The following MYCBP2 variants were observed in gnomAD, a reference collection of about 807,000 sequenced individuals.
MYCBP2 encodes E3 ubiquitin-protein ligase MYCBP2.
MYCBP2 carries 120 observed loss-of-function variants against 525.3 expected under a neutral mutation model. The ratio of observed to expected loss-of-function variants is 0.23; its 90% confidence interval spans 0.20 to 0.27. The LOEUF (loss-of-function observed/expected upper bound fraction) is 0.27, where lower values mean the gene tolerates loss of function less well. Ranked by LOEUF, MYCBP2 falls within the 10% of genes least tolerant of loss-of-function variation. MYCBP2 has a pLI of 1.00. For missense variants in MYCBP2, 4,149 were observed against 5,657.1 expected (o/e 0.73, Z 8.55); for synonymous variants, 1,894 against 1,955.8 (o/e 0.97, Z 0.83).
At chr13:77,227,322 T>C (rs2154297358) in intron 18 of MYCBP2, among the ~76,000 whole-genome samples, 1 of 140,336 alleles carries the variant, frequency 7.1e-6, no homozygotes, top group East Asian at 2.0e-4. Flanking sequence ...TTTGCCAAAT[T>C]AAATCAAAGA....
At position 77,068,647 on chromosome 13, in the gene MYCBP2, C is replaced by T. The variant is rs550365500; in HGVS notation, c.12089G>A (p.Arg4030Gln). ...GGTTAGCTGTTGAGCCAGATATTGC[C>T]GGCCAACGTTAGAGCCACTCAGTGC... ...VLALSGSNVG[R>Q]QYLAQQLTLL... Residue 4030 changes from arginine (R) to glutamine (Q), a missense_variant, in exon 70 of 83, where the codon CGG (arginine) becomes CAG (glutamine). Physicochemically the swap from Arg to Gln is conservative, Grantham distance 43 (BLOSUM62 1). Transcript: ENST00000544440. The T allele has an allele frequency of 1.2e-5, 19 of 1,614,140 alleles. 1 individual carries two copies. The highest frequency in any genetic ancestry group is 1.6e-4 in the Middle Eastern group (1 of 6,062).
At position 77,206,834 on chromosome 13, in the gene MYCBP2, A is replaced by C. The variant is rs1282560492; in HGVS notation, c.3417-9T>G. ...TAGTATTTGGTCGAAACCTTTAAAG[A>C]AAAAGAATAATTACAGCACCTCAAT... On this transcript the variant is annotated splice_polypyrimidine_tract_variant and intron_variant, in intron 23 of 82. Coordinates refer to ENST00000544440, the MANE Select transcript of MYCBP2 (RefSeq NM_015057.5). 6.4e-7 allele frequency: 1 copy of C among 1,574,726 alleles called. No homozygotes were observed. Among genetic ancestry groups the C allele is most frequent in the South Asian group, 1.2e-5 (1 of 84,780 alleles).
chr13:77,237,680 A>C (rs1455302474), intron 17 of MYCBP2, among the ~76,000 whole-genome samples: 1 of 152,186 alleles, frequency 6.6e-6, no homozygotes, highest in Non-Finnish European at 1.5e-5. Flanking sequence ...TATAATATTA[A>C]AGGGAATACA....
rs563787069 is a variant in MYCBP2, at chr13:77,058,853, C to T, written c.13141-447G>A. Among the ~76,000 whole-genome samples, 13 of 152,106 alleles carry T rather than the reference C, an allele frequency of 8.5e-5. No individual in the cohort carries two copies. Among genetic ancestry groups the T allele is most frequent in the Admixed American group, 5.2e-4 (8 of 15,284 alleles). Reference sequence around the variant, plus strand: ...TACAAAAATTAACCAGGCATGGTGGCGCGCGCCTGTAATCCCAGCTACTTA... The same window carrying T: ...TACAAAAATTAACCAGGCATGGTGGTGCGCGCCTGTAATCCCAGCTACTTA... On this transcript the variant is annotated intron_variant, in intron 77 of 82. Transcript: ENST00000544440. This position sits in a 1 kb window ranked among gnomAD's most constrained non-coding sequence, Gnocchi z 4.1.
intron 56 of MYCBP2, 102 bp downstream of exon 56, chr13:77,097,268 A>C (rs936444146): frequency 9.6e-6 from 14 of 1,456,084 alleles, no homozygotes; most frequent in African/African-American, 7.1e-5. Flanking sequence ...AGATACTATA[A>C]ATTCCCTATC....
chr13:77,090,443 T>G, intron 59 of MYCBP2, 180 bp from the exon 60 acceptor site: 1 of 442,074 alleles, frequency 2.3e-6, no homozygotes. Flanking sequence ...ACATTTTGAC[T>G]GATTTCAGCA....
chr13:77,186,569 A>T (rs1343089335), intron 30 of MYCBP2, among the ~76,000 whole-genome samples: 1 of 152,172 alleles, frequency 6.6e-6, no homozygotes, highest in Non-Finnish European at 1.5e-5. Context: ...TCAATTTTTG[A>T]TAAATACATT....
intron 21 of MYCBP2, among the ~76,000 whole-genome samples, chr13:77,216,999 A>G (rs550753570): frequency 6.6e-6 from 1 of 152,340 alleles, no homozygotes; most frequent in South Asian, 2.1e-4. Context: ...GAGAACAGCC[A>G]CATGTGCAAT....
At chr13:77,217,399 C>CA (rs2064976359) in intron 21 of MYCBP2, among the ~76,000 whole-genome samples, 1 of 151,838 alleles carries the variant, frequency 6.6e-6, no homozygotes, top group East Asian at 1.9e-4. Flanking sequence ...CGGATAGACT[C>CA]AGAGGGTGGA....
chr13:77,216,338 C>T (rs1439127098), intron 21 of MYCBP2, among the ~76,000 whole-genome samples: 1 of 152,084 alleles, frequency 6.6e-6, no homozygotes, highest in Non-Finnish European at 1.5e-5. Context: ...AAAAAATCAC[C>T]ATTTTTTAAA....
intron 32 of MYCBP2, among the ~76,000 whole-genome samples, chr13:77,184,836 T>C (rs1229198864): frequency 6.6e-6 from 1 of 152,146 alleles, no homozygotes; most frequent in East Asian, 1.9e-4. Flanking sequence ...CTATGGTTCT[T>C]TTCCTCTCTC....
chr13:77,260,366 T>C (rs929716333), intron 13 of MYCBP2, 62 bp downstream of exon 13: 3 of 1,156,968 alleles, frequency 2.6e-6, no homozygotes. Context: ...AGATATGTCT[T>C]TGTCATACAT....
intron 7 of MYCBP2, among the ~76,000 whole-genome samples, chr13:77,269,373 G>T (rs1743549791): frequency 6.6e-6 from 1 of 151,978 alleles, no homozygotes. Context: ...GGGTGGCTCA[G>T]GCCTGTAATC....
intron 15 of MYCBP2, among the ~76,000 whole-genome samples, chr13:77,248,207 T>TTCTTGGATATGA (rs1465953778): frequency 6.7e-6 from 1 of 149,358 alleles, no homozygotes; most frequent in East Asian, 1.9e-4. Context: ...GGGAAATAAT[T>TTCTTGGATATGA]TCTTGGATAT....
At chr13:77,321,327 T>C (rs1048879566) in intron 1 of MYCBP2, among the ~76,000 whole-genome samples, 1 of 152,228 alleles carries the variant, frequency 6.6e-6, no homozygotes, top group African/African-American at 2.4e-5. Context: ...TAGAGCAGTT[T>C]TTGCCTTAAC....
intron 36 of MYCBP2, 75 bp from the exon 37 acceptor site, chr13:77,174,564 A>G: frequency 9.4e-7 from 1 of 1,064,532 alleles, no homozygotes; most frequent in South Asian, 1.7e-5. Context: ...TAGCAGTAAA[A>G]TAGGCAAATA....
At chr13:77,092,895 T>C (rs1039496352) in intron 59 of MYCBP2, among the ~76,000 whole-genome samples, 1 of 152,178 alleles carries the variant, frequency 6.6e-6, no homozygotes, top group Admixed American at 6.5e-5. Flanking sequence ...AAAGTAACCC[T>C]TCCCTACTCT....
Position 77,224,441 on chromosome 13 carries a change from T to A in MYCBP2, c.2939+10A>T. 1 of 1,568,480 alleles carries A rather than the reference T, an allele frequency of 6.4e-7. No individual in the cohort carries two copies. Among genetic ancestry groups the A allele is most frequent in the African/African-American group, 1.4e-5 (1 of 73,790 alleles). The stretch of plus-strand genomic sequence containing the variant: ...AACTCTGGATCTTCAAATGAAAAGT[T>A]AGCAAGTACCTGGAGTTGACATCTC... On this transcript the variant is annotated intron_variant, in intron 20 of 82. Coordinates refer to ENST00000544440, the MANE Select transcript of MYCBP2 (RefSeq NM_015057.5).
chr13:77,141,800 G>A (rs2054684563), intron 49 of MYCBP2, among the ~76,000 whole-genome samples: 1 of 150,328 alleles, frequency 6.7e-6, no homozygotes, highest in South Asian at 2.1e-4. Context: ...TATACATAGA[G>A]AAAATTTAGA....
Sources: gnomAD v4.1 joint callset for allele counts (sites outside exome capture counted in the v4.1 genomes callset) on GRCh38, gnomAD v4.1.1 for gene constraint, Gnocchi (gnomAD v3.1) non-coding constraint, MANE v1.5 for transcripts, NCBI Gene and HGNC (gene_info 2026-07-23, HGNC 2026-07-21) for gene names.